Variants in FTO observed in about 807,000 individuals in gnomAD.
FTO encodes the protein alpha-ketoglutarate-dependent dioxygenase FTO.
Under a neutral mutation model 63.9 loss-of-function variants are expected in FTO, and 47 were observed. That is an observed-to-expected ratio of 0.74 (90% CI 0.58 to 0.94). The LOEUF is 0.94. Among genes scored for constraint, FTO ranks in the 40% least tolerant of loss-of-function variants. The pLI, the probability that FTO is intolerant of heterozygous loss-of-function variation, is 0.00. For synonymous variants in FTO, 207 were observed against 224.4 expected (o/e 0.92, Z 0.69); for missense variants, 562 against 618.1 (o/e 0.91, Z 0.96).
At chr16:53,759,029 A>G (rs1309267137) in intron 1 of FTO, among the ~76,000 whole-genome samples, 2 of 152,198 alleles carry the variant, frequency 1.3e-5, no homozygotes, top group African/African-American at 4.8e-5. Context: ...TGTGGGAGAT[A>G]GATAAAATGA....
intron 1 of FTO, among the ~76,000 whole-genome samples, chr16:53,730,550 A>G (rs2076249535): frequency 6.6e-6 from 1 of 151,770 alleles, no homozygotes; most frequent in Admixed American, 6.6e-5. Context: ...GCTGAAGTGC[A>G]GTGGCACGAT....
intron 4 of FTO, among the ~76,000 whole-genome samples, chr16:53,846,882 T>C (rs2079637874): frequency 6.6e-6 from 1 of 152,020 alleles, no homozygotes; most frequent in Non-Finnish European, 1.5e-5. Flanking sequence ...TCTTGTGTGT[T>C]CTTTTCTGAT....
chr16:53,940,891 CA>C lies in FTO; in HGVS notation c.1364+6783del, dbSNP rs2082513442. ...TCTTTCTATTCTCTGTGACCCCAGC[CA>C]TCCCATCACCACCTACCCCCAGAAT... is the stretch of plus-strand genomic sequence containing the variant. On this transcript the variant is annotated intron_variant, in intron 8 of 8. Transcript: ENST00000471389. Among the ~76,000 whole-genome samples the C allele has an allele frequency of 1.7e-4, 8 of 47,646 alleles. No individual in the cohort carries two copies. In the Admixed American group the frequency reaches 1.8e-3, roughly 10 times the overall value. 31.3% of individuals were successfully genotyped at this position (47,646 alleles called of 152,430 possible).
At chr16:54,008,170 G>GAT (rs1567513321) in intron 8 of FTO, among the ~76,000 whole-genome samples, 1 of 152,126 alleles carries the variant, frequency 6.6e-6, no homozygotes, top group Non-Finnish European at 1.5e-5. Flanking sequence ...CATTACCTTT[G>GAT]ATACGTCTAG....
intron 1 of FTO, among the ~76,000 whole-genome samples, chr16:53,788,689 C>G (rs1379331993): frequency 6.6e-6 from 1 of 151,486 alleles, no homozygotes; most frequent in African/African-American, 2.4e-5. Context: ...ATATTTAGTA[C>G]TGGCATTTCT....
chr16:53,788,879 G>T (rs1567987240), intron 1 of FTO, among the ~76,000 whole-genome samples: 3 of 152,110 alleles, frequency 2.0e-5, no homozygotes, highest in Admixed American at 2.0e-4. Context: ...CCAGGTGTTT[G>T]AATAAATTAA....
intron 1 of FTO, among the ~76,000 whole-genome samples, chr16:53,789,066 C>CAT (rs1164110876): frequency 7.2e-5 from 11 of 152,182 alleles, no homozygotes; most frequent in Non-Finnish European, 1.5e-5. Context: ...TGCTCATCTA[C>CAT]ATATGTAAAA....
intron 8 of FTO, among the ~76,000 whole-genome samples, chr16:54,061,207 G>A (rs181504589): frequency 8.7e-4 from 132 of 152,306 alleles, no homozygotes; most frequent in African/African-American, 3.0e-3. Context: ...CCGTTTAGCA[G>A]TGATGACAGA....
intron 8 of FTO, among the ~76,000 whole-genome samples, chr16:54,009,223 C>A (rs1002644537): frequency 6.6e-6 from 1 of 151,958 alleles, no homozygotes; most frequent in Admixed American, 6.6e-5. Flanking sequence ...GTGTTTGAAC[C>A]TAGTAGTGAA....
chr16:54,079,674 T>TA (rs1379042576), intron 8 of FTO, among the ~76,000 whole-genome samples: 3 of 152,132 alleles, frequency 2.0e-5, no homozygotes, highest in Admixed American at 6.5e-5. Flanking sequence ...GACCTGGTGA[T>TA]AAATAGGAAC....
At chr16:53,740,986 T>C (rs2076516176) in intron 1 of FTO, among the ~76,000 whole-genome samples, 1 of 152,238 alleles carries the variant, frequency 6.6e-6, no homozygotes, top group South Asian at 2.1e-4. Flanking sequence ...TGCCACTTGT[T>C]TTTTAATCGA....
At chr16:53,870,019 A>G (rs1315844674) in intron 4 of FTO, among the ~76,000 whole-genome samples, 2 of 152,090 alleles carry the variant, frequency 1.3e-5, no homozygotes, top group African/African-American at 4.8e-5. Context: ...CTATAATCTT[A>G]TGGTTAAGCC....
At chr16:53,963,543 T>C (rs1438713964) in intron 8 of FTO, among the ~76,000 whole-genome samples, 2 of 152,142 alleles carry the variant, frequency 1.3e-5, no homozygotes, top group Non-Finnish European at 2.9e-5. Context: ...CGTCCACCCT[T>C]GGTACTGTGT....
At chr16:53,714,874 C>T (rs1262174315) in intron 1 of FTO, among the ~76,000 whole-genome samples, 1 of 152,100 alleles carries the variant, frequency 6.6e-6, no homozygotes, top group Non-Finnish European at 1.5e-5. Context: ...CATCAGACCC[C>T]TGCTGCTTAA....
chr16:54,076,458 G>A (rs950619597), intron 8 of FTO, among the ~76,000 whole-genome samples: 19 of 152,168 alleles, frequency 1.2e-4, no homozygotes, highest in African/African-American at 3.6e-4. Flanking sequence ...ACAGGGAAAA[G>A]AATAGCAGGA....
intron 1 of FTO, among the ~76,000 whole-genome samples, chr16:53,772,333 G>A (rs1239328893): frequency 1.3e-5 from 2 of 151,854 alleles, no homozygotes; most frequent in Admixed American, 6.6e-5. Context: ...TCTTCCCCCA[G>A]GTATCTGCGT....
chr16:54,107,770 C>T (rs2144620921), intron 8 of FTO, among the ~76,000 whole-genome samples: 1 of 152,344 alleles, frequency 6.6e-6, no homozygotes, highest in South Asian at 2.1e-4. Flanking sequence ...CTCAGATACT[C>T]AAACAGCATC....
chr16:53,972,515 T>C (rs1233668221), intron 8 of FTO, among the ~76,000 whole-genome samples: 1 of 151,978 alleles, frequency 6.6e-6, no homozygotes, highest in Non-Finnish European at 1.5e-5. Flanking sequence ...TCCAAGACAA[T>C]AAATTGGTAA....
At chr16:53,774,333 G>T (rs2077412913) in intron 1 of FTO, among the ~76,000 whole-genome samples, 2 of 152,076 alleles carry the variant, frequency 1.3e-5, no homozygotes, top group Non-Finnish European at 2.9e-5. Context: ...TATATTCAAA[G>T]CTCCAGGTAA....
Sources: allele counts gnomAD v4.1 joint callset (sites outside exome capture counted in the v4.1 genomes callset), GRCh38; gene constraint gnomAD v4.1.1; transcripts MANE v1.5; gene names NCBI Gene and HGNC (gene_info 2026-07-23, HGNC 2026-07-21).